Variants in ADGRL3 observed in about 807,000 individuals in gnomAD.
ADGRL3 encodes the protein calcium-independent alpha-latrotoxin receptor 3.
ADGRL3 carries 62 observed loss-of-function variants against 153.5 expected under a neutral mutation model. That is an observed-to-expected ratio of 0.40 (90% CI 0.33 to 0.50). The LOEUF (loss-of-function observed/expected upper bound fraction) is 0.50, where lower values mean the gene tolerates loss of function less well. Among genes scored for constraint, ADGRL3 ranks in the 20% least tolerant of loss-of-function variants. The pLI is 0.47. For synonymous variants in ADGRL3, 710 were observed against 672.5 expected (o/e 1.06, Z -0.86); for missense variants, 1,641 against 1,859.4 (o/e 0.88, Z 2.16).
chr4:61,779,624 A>C (rs1040978714), intron 8 of ADGRL3, among the ~76,000 whole-genome samples: 8 of 118,662 alleles, frequency 6.7e-5, no homozygotes, highest in Non-Finnish European at 1.3e-4. Flanking sequence ...CTGCAGTAAG[A>C]CTCTGTCTCA....
At chr4:62,051,166 G>GTATATA (rs1157095045) in intron 25 of ADGRL3, among the ~76,000 whole-genome samples, 12 of 52,174 alleles carry the variant, frequency 2.3e-4, no homozygotes, top group African/African-American at 8.0e-4. Flanking sequence ...GTGTGTGTGT[G>GTATATA]TGTATATATA....
intron 25 of ADGRL3, among the ~76,000 whole-genome samples, chr4:62,045,159 T>C (rs10022373): frequency 0.026 from 3,988 of 151,988 alleles, 183 homozygotes; most frequent in African/African-American, 0.093. Flanking sequence ...CTTAATCTAT[T>C]GTTTTGTTTG....
intron 2 of ADGRL3, among the ~76,000 whole-genome samples, chr4:61,409,422 A>T (rs1022627048): frequency 8.6e-6 from 1 of 116,850 alleles, no homozygotes; most frequent in African/African-American, 2.8e-5. Context: ...TATATATATT[A>T]TATATATGTC....
At chr4:61,526,138 C>T (rs1379054874) in intron 4 of ADGRL3, among the ~76,000 whole-genome samples, 1 of 152,122 alleles carries the variant, frequency 6.6e-6, no homozygotes, top group Non-Finnish European at 1.5e-5. Flanking sequence ...TTTTCTTACG[C>T]TTCGCCCCTT....
chr4:61,431,279 T>C (rs1299836662), intron 2 of ADGRL3, among the ~76,000 whole-genome samples: 3 of 152,174 alleles, frequency 2.0e-5, no homozygotes, highest in Admixed American at 6.5e-5. Flanking sequence ...TTCTATAAAA[T>C]AGGACCAACC....
chr4:61,926,345 C>G (rs2098794350), intron 13 of ADGRL3, among the ~76,000 whole-genome samples: 1 of 152,188 alleles, frequency 6.6e-6, no homozygotes, highest in African/African-American at 2.4e-5. Flanking sequence ...TACCCACTAC[C>G]TTTACCTTTT....
chr4:61,998,430 G>A (rs1340510714), intron 21 of ADGRL3, among the ~76,000 whole-genome samples, 165 bp downstream of exon 21: 1 of 152,086 alleles, frequency 6.6e-6, no homozygotes, highest in African/African-American at 2.4e-5. Flanking sequence ...TGATCTGCCT[G>A]AAAATAAGTA....
chr4:61,588,362 C>T (rs2098955391), intron 5 of ADGRL3, among the ~76,000 whole-genome samples: 1 of 151,864 alleles, frequency 6.6e-6, no homozygotes, highest in Non-Finnish European at 1.5e-5. Flanking sequence ...TTAGGAAAGC[C>T]TTCCTTATTT....
At chr4:61,859,107 T>C (rs898676796) in intron 9 of ADGRL3, among the ~76,000 whole-genome samples, 1 of 152,208 alleles carries the variant, frequency 6.6e-6, no homozygotes, top group Non-Finnish European at 1.5e-5. Flanking sequence ...TGAACACTTC[T>C]GGACTCATCC....
At chr4:61,247,881 A>C (rs1362269704) in intron 1 of ADGRL3, among the ~76,000 whole-genome samples, 1 of 152,138 alleles carries the variant, frequency 6.6e-6, no homozygotes, top group Non-Finnish European at 1.5e-5. Flanking sequence ...TATAGTAACC[A>C]AGGAAGTTAT....
chr4:61,889,908 T>C (rs1043075349), intron 9 of ADGRL3, among the ~76,000 whole-genome samples: 1 of 152,228 alleles, frequency 6.6e-6, no homozygotes, highest in Non-Finnish European at 1.5e-5. Flanking sequence ...AGTTATATGC[T>C]GATTAAAATA....
At position 61,994,968 on chromosome 4, in the gene ADGRL3, A is replaced by AGTGC. The variant is rs1272001650; in HGVS notation, c.3237-1322_3237-1319dup. Among the ~76,000 whole-genome samples, 10 of 150,486 alleles carry AGTGC rather than the reference A, an allele frequency of 6.6e-5. 1 individual carries two copies. The East Asian group carries it at 1.8e-3, about 27-fold the overall frequency. ...CACTCTGTCACCCAGGCTGGAGCAC[A>AGTGC]GTGCCGTGATTTCAGCTCACTAAAG... On this transcript the variant is annotated intron_variant, in intron 19 of 26. Transcript: ENST00000683033.
intron 9 of ADGRL3, among the ~76,000 whole-genome samples, chr4:61,890,327 G>C (rs797020261): frequency 3.3e-5 from 5 of 152,296 alleles, no homozygotes; most frequent in African/African-American, 1.2e-4. Context: ...TTTAACTATT[G>C]CCTTACTACT....
At chr4:61,360,714 G>A (rs930635239) in intron 1 of ADGRL3, among the ~76,000 whole-genome samples, 2 of 152,028 alleles carry the variant, frequency 1.3e-5, no homozygotes, top group South Asian at 4.1e-4. Context: ...AGCACATAAC[G>A]AAGGCTAAAA....
At chr4:61,425,963 G>T (rs1262979490) in intron 2 of ADGRL3, among the ~76,000 whole-genome samples, 1 of 152,198 alleles carries the variant, frequency 6.6e-6, no homozygotes, top group African/African-American at 2.4e-5. Context: ...AGTGAGAGGA[G>T]GTCATCCTTG....
rs191395674 is a variant in ADGRL3, at chr4:61,387,047, G to A, written c.-174+3858G>A. On this transcript the variant is annotated intron_variant, in intron 2 of 26. Transcript: ENST00000683033. ...AGGTTCTTTTCTATTTTTCCTAAGC[G>A]TTGGCCGCCTTGAGAAATAAAGGGA... 2.2e-4 allele frequency among the ~76,000 whole-genome samples: 33 copies of A among 152,204 alleles called. 1 individual carries two copies. Among genetic ancestry groups the A allele is most frequent in the African/African-American group, 6.5e-4 (27 of 41,522 alleles).
intron 5 of ADGRL3, among the ~76,000 whole-genome samples, chr4:61,648,175 G>A (rs977557845): frequency 6.6e-6 from 1 of 151,922 alleles, no homozygotes; most frequent in Non-Finnish European, 1.5e-5. Context: ...AGAAGACACT[G>A]TGCACACCCT....
At chr4:61,345,843 C>G (rs13110614) in intron 1 of ADGRL3, among the ~76,000 whole-genome samples, 2 of 152,092 alleles carry the variant, frequency 1.3e-5, no homozygotes, top group Non-Finnish European at 2.9e-5. Flanking sequence ...CAAAACTGGT[C>G]TAGACAGTCT....
intron 9 of ADGRL3, among the ~76,000 whole-genome samples, chr4:61,878,758 C>T (rs951658652): frequency 6.6e-6 from 1 of 152,180 alleles, no homozygotes; most frequent in Non-Finnish European, 1.5e-5. Flanking sequence ...CAGCAACAGT[C>T]TCTGTCTTCA....
Sources: gnomAD v4.1 joint callset for allele counts (sites outside exome capture counted in the v4.1 genomes callset) on GRCh38, gnomAD v4.1.1 for gene constraint, MANE v1.5 for transcripts, NCBI Gene and HGNC (gene_info 2026-07-23, HGNC 2026-07-21) for gene names.